Variants in CD200R1L observed in about 807,000 individuals in gnomAD.
CD200R1L encodes cell surface glycoprotein CD200 receptor 2.
CD200R1L carries 14 observed loss-of-function variants against 24.8 expected under a neutral mutation model. The observed-to-expected ratio is 0.56, with a 90% CI of 0.37 to 0.88. The LOEUF is 0.88. Ranked by LOEUF, CD200R1L falls within the 40% of genes least tolerant of loss-of-function variation. The pLI is 0.00. For synonymous variants in CD200R1L, 111 were observed against 109.2 expected (o/e 1.02, Z -0.11); for missense variants, 299 against 297.8 (o/e 1.00, Z -0.03).
At position 112,845,694 on chromosome 3, in the gene CD200R1L, T is replaced by C. The variant is rs539405887; in HGVS notation, c.-102A>G. ...TCAGACTTACCAGACACCATGATAATGATGGAAATCAGTAATCTTGGAGCT... is the reference window on the plus strand; with the variant it reads ...TCAGACTTACCAGACACCATGATAACGATGGAAATCAGTAATCTTGGAGCT... On this transcript the variant is annotated 5_prime_UTR_variant, in exon 2 of 8. Transcript: ENST00000488794. 20 of 1,613,500 alleles carry C rather than the reference T, an allele frequency of 1.2e-5. No homozygotes were observed. In the East Asian group the frequency reaches 1.3e-4, roughly 11 times the overall value.
Position 112,819,876 on chromosome 3 carries a change from A to C in CD200R1L, c.636T>G (p.Ser212=). The C allele has an allele frequency of 6.2e-7, 1 of 1,605,238 alleles. No homozygotes were observed. Among genetic ancestry groups the C allele is most frequent in the South Asian group, 1.1e-5 (1 of 88,662 alleles). ...KLNSGLRTSG[S]PALSLLIILY... is the part of the protein sequence containing the mutation. Reference sequence around the variant, plus strand: ...GAATGATCAGTAAGGACAACGCTGGAGATCCTGAGGTTCTGAGACCTTTAA... The same window carrying C: ...GAATGATCAGTAAGGACAACGCTGGCGATCCTGAGGTTCTGAGACCTTTAA... The change falls in exon 7 of 8, where the codon TCT becomes TCG. Residue 212 remains serine (S), a synonymous_variant. Transcript: ENST00000488794.
intron 7 of CD200R1L, among the ~76,000 whole-genome samples, chr3:112,817,703 T>G (rs1938431738): frequency 6.6e-6 from 1 of 152,254 alleles, no homozygotes; most frequent in Admixed American, 6.5e-5. Context: ...CCTGTTTGTT[T>G]CAGCAATTAA....
chr3:112,815,714 C>T lies in CD200R1L; in HGVS notation c.*249G>A. The stretch of plus-strand genomic sequence containing the variant: ...AGAGTAAAACCAAAAATAACACTGG[C>T]ATGAACAAAATTTTATTCACTCTAA... On this transcript the variant is annotated 3_prime_UTR_variant, in exon 8 of 8. Coordinates refer to ENST00000488794, the MANE Select transcript of CD200R1L (RefSeq NM_001199215.3). 1 of 461,912 alleles carries T rather than the reference C, an allele frequency of 2.2e-6. No individual in the cohort carries two copies. Among genetic ancestry groups the T allele is most frequent in the Non-Finnish European group, 3.9e-6 (1 of 254,716 alleles). 28.6% of individuals were successfully genotyped at this position (461,912 alleles called of 1,614,324 possible).
intron 2 of CD200R1L, among the ~76,000 whole-genome samples, chr3:112,844,599 G>C (rs1939157453): frequency 6.6e-6 from 1 of 152,178 alleles, no homozygotes; most frequent in African/African-American, 2.4e-5. Flanking sequence ...AAGTTAGAAA[G>C]ATCTCAAATT....
At chr3:112,837,801 C>T (rs1023205467) in intron 3 of CD200R1L, 141 bp downstream of exon 3, 14 of 169,942 alleles carry the variant, frequency 8.2e-5, no homozygotes, top group Middle Eastern at 1.3e-3. Flanking sequence ...TTGAATAAGT[C>T]GGTCCTTGCT....
In CD200R1L at chr3:112,827,704, A is replaced by C. The variant is rs776898529; in HGVS notation, c.50-20T>G. ...TGTTACCTGGACACACACACAAAGG[A>C]TAATGATATAGAAAACCTTGATAAG... On this transcript the variant is annotated intron_variant, in intron 4 of 7. Coordinates refer to ENST00000488794, the MANE Select transcript of CD200R1L (RefSeq NM_001199215.3). 1 of 1,594,500 alleles carries C rather than the reference A, an allele frequency of 6.3e-7. No homozygotes were observed. Among genetic ancestry groups the C allele is most frequent in the South Asian group, 1.1e-5 (1 of 88,494 alleles).
At position 112,815,944 on chromosome 3, in the gene CD200R1L, G is replaced by C; in HGVS notation, c.*19C>G. ...CCAGAGACAAGGAGGAGAAGCAAAA[G>C]AAGACCCTTCCTTCTTCTTTAAAGA... On this transcript the variant is annotated 3_prime_UTR_variant, in exon 8 of 8. Transcript: ENST00000488794. The C allele has an allele frequency of 1.3e-6, 1 of 780,450 alleles. No homozygotes were observed. Among genetic ancestry groups the C allele is most frequent in the Non-Finnish European group, 2.4e-6 (1 of 417,752 alleles). The allele number at this position is 780,450 out of a possible 1,614,324, so 48.3% of individuals were successfully genotyped here.
chr3:112,823,957 C>T (rs915987794), intron 6 of CD200R1L, among the ~76,000 whole-genome samples: 7 of 151,814 alleles, frequency 4.6e-5, no homozygotes, highest in African/African-American at 7.3e-5. Flanking sequence ...TAGCTCAATA[C>T]GAACTATAAG....
chr3:112,828,462 T>A (rs1460110578), intron 4 of CD200R1L, among the ~76,000 whole-genome samples: 1 of 152,224 alleles, frequency 6.6e-6, no homozygotes, highest in African/African-American at 2.4e-5. Context: ...GTGTGGCATA[T>A]AATTTTTAAA....
At chr3:112,816,066 T>C in intron 7 of CD200R1L, 91 bp from the exon 8 acceptor site, 1 of 731,948 alleles carries the variant, frequency 1.4e-6, no homozygotes, top group South Asian at 1.5e-5. Flanking sequence ...GAGAAATGCC[T>C]TTTAGCTAAG....
At chr3:112,818,045 C>A (rs1938438841) in intron 7 of CD200R1L, among the ~76,000 whole-genome samples, 1 of 152,156 alleles carries the variant, frequency 6.6e-6, no homozygotes, top group Non-Finnish European at 1.5e-5. Context: ...AAAGACCAGC[C>A]CTCATGATTC....
intron 7 of CD200R1L, among the ~76,000 whole-genome samples, chr3:112,816,456 G>A (rs1011721277): frequency 1.3e-5 from 2 of 152,158 alleles, no homozygotes; most frequent in Non-Finnish European, 2.9e-5. Context: ...ACCTCATTTT[G>A]TTGGCCAAAG....
intron 3 of CD200R1L, among the ~76,000 whole-genome samples, chr3:112,831,661 AC>A (rs1938803086): frequency 1.3e-5 from 2 of 152,252 alleles, no homozygotes; most frequent in African/African-American, 4.8e-5. Flanking sequence ...CAGGGAAAGC[AC>A]CATGTAAAAA....
chr3:112,815,776 A>G lies in CD200R1L; in HGVS notation c.*187T>C. The G allele has an allele frequency of 3.5e-6, 2 of 574,156 alleles. No homozygotes were observed. Among genetic ancestry groups the G allele is most frequent in the Admixed American group, 6.9e-5 (2 of 29,180 alleles). The allele number at this position is 574,156 out of a possible 1,614,324, so 35.6% of individuals were successfully genotyped here. A position where few individuals can be genotyped will look rare whatever the true frequency, so the allele number is the denominator to read the frequency against. Reference sequence around the variant, plus strand: ...TCAATGAATAGGTGGTTGAGGGTTTATAGGGAAACTTCATGGTCATCAAGC... The same window carrying G: ...TCAATGAATAGGTGGTTGAGGGTTTGTAGGGAAACTTCATGGTCATCAAGC... On this transcript the variant is annotated 3_prime_UTR_variant, in exon 8 of 8. Transcript: ENST00000488794.
chr3:112,836,466 G>A (rs1451223092), intron 3 of CD200R1L, among the ~76,000 whole-genome samples: 1 of 152,172 alleles, frequency 6.6e-6, no homozygotes, highest in East Asian at 1.9e-4. Flanking sequence ...AGCTTTAATT[G>A]TAAATCATTA....
intron 3 of CD200R1L, among the ~76,000 whole-genome samples, chr3:112,832,492 A>T (rs1938825381): frequency 6.6e-6 from 1 of 152,188 alleles, no homozygotes; most frequent in African/African-American, 2.4e-5. Context: ...CTTGGCGAAG[A>T]TAGTAAATAA....
At position 112,837,986 on chromosome 3, in the gene CD200R1L, A is replaced by T. The variant is rs756156125; in HGVS notation, c.-62T>A. ...CTAACTTTGTATTTCCAGTTGTGTC[A>T]TCAGACAGGAATTATTATCTGAGGC... On this transcript the variant is annotated 5_prime_UTR_variant, in exon 3 of 8. The change abolishes an upstream ATG in the 5' untranslated region. Coordinates refer to ENST00000488794, the MANE Select transcript of CD200R1L (RefSeq NM_001199215.3). The T allele has an allele frequency of 2.3e-5, 29 of 1,242,106 alleles. No homozygotes were observed. Among genetic ancestry groups the T allele is most frequent in the Admixed American group, 2.9e-5 (1 of 34,566 alleles). The allele number at this position is 1,242,106 out of a possible 1,614,324, so 76.9% of individuals were successfully genotyped here.
chr3:112,842,560 T>A (rs1365516422), intron 2 of CD200R1L, among the ~76,000 whole-genome samples: 1 of 152,180 alleles, frequency 6.6e-6, no homozygotes, highest in Admixed American at 6.5e-5. Context: ...AAAGTCTGAC[T>A]GCCTGCGGGG....
At chr3:112,841,221 T>C (rs1172007225) in intron 2 of CD200R1L, 5 of 433,212 alleles carry the variant, frequency 1.2e-5, no homozygotes, top group African/African-American at 8.1e-5. Flanking sequence ...GATCTGCTTG[T>C]TTAAAAGTGT....
Sources: allele counts gnomAD v4.1 joint callset (sites outside exome capture counted in the v4.1 genomes callset), GRCh38; gene constraint gnomAD v4.1.1; transcripts MANE v1.5; gene names NCBI Gene and HGNC (gene_info 2026-07-23, HGNC 2026-07-21).